Variants in CSMD1 observed in about 807,000 individuals in gnomAD.
CSMD1 encodes CUB and sushi domain-containing protein 1.
A neutral mutation model predicts 417.5 loss-of-function variants in CSMD1; 213 were observed. The ratio of observed to expected loss-of-function variants is 0.51; its 90% CI spans 0.46 to 0.57. The LOEUF (loss-of-function observed/expected upper bound fraction) is 0.57, where lower values mean the gene tolerates loss of function less well. Ranked by LOEUF, CSMD1 falls within the 20% of genes least tolerant of loss-of-function variation. The pLI is 0.00. For synonymous variants in CSMD1, 2,862 were observed against 1,736.8 expected (o/e 1.65, Z -16.11); for missense variants, 6,923 against 4,529.7 (o/e 1.53, Z -15.17).
chr8:3,948,316 A>C (rs2627518), intron 5 of CSMD1, among the ~76,000 whole-genome samples: 1 of 152,082 alleles, frequency 6.6e-6, no homozygotes, highest in Non-Finnish European at 1.5e-5. Flanking sequence ...TTTGAAGAGT[A>C]TAAGGGGCTT....
At chr8:3,574,276 T>C (rs113376143) in intron 10 of CSMD1, among the ~76,000 whole-genome samples, 4,245 of 152,358 alleles carry the variant, frequency 0.028, 196 homozygotes, top group African/African-American at 0.093. Flanking sequence ...AGTCTTGCTC[T>C]GTCGCCCAGG....
At chr8:3,998,132 G>T in intron 4 of CSMD1, 22 bp from the exon 5 acceptor site, 1 of 1,543,302 alleles carries the variant, frequency 6.5e-7, no homozygotes, top group Non-Finnish European at 8.8e-7. Context: ...AAAGCAGAAA[G>T]AAAGCATCAC....
chr8:3,202,525 A>G (rs1244407619), intron 31 of CSMD1, among the ~76,000 whole-genome samples: 1 of 152,196 alleles, frequency 6.6e-6, no homozygotes, highest in Non-Finnish European at 1.5e-5. Flanking sequence ...CAGATTGACG[A>G]TACAGAGGGC....
intron 2 of CSMD1, among the ~76,000 whole-genome samples, chr8:4,434,959 T>C (rs534985026): frequency 6.6e-6 from 1 of 152,260 alleles, no homozygotes; most frequent in South Asian, 2.1e-4. Context: ...TTATTTCCTA[T>C]AGAAAAAATG....
At position 4,925,777 on chromosome 8, in the gene CSMD1, G is replaced by A. The variant is rs184745423; in HGVS notation, c.85+68555C>T. On this transcript the variant is annotated intron_variant, in intron 1 of 69. Coordinates refer to ENST00000635120, the MANE Select transcript of CSMD1 (RefSeq NM_033225.6). ...TTGGTCAGGATGGTCTCAAACTCCT[G>A]ACCTCGTGATCCGCCCTCCTCGGCC... Among the ~76,000 whole-genome samples the A allele has an allele frequency of 3.9e-3, 589 of 152,192 alleles. 4 individuals carry two copies. The highest frequency in any genetic ancestry group is 0.013 in the African/African-American group (536 of 41,532).
At chr8:4,132,025 G>C (rs552983194) in intron 3 of CSMD1, among the ~76,000 whole-genome samples, 3 of 151,850 alleles carry the variant, frequency 2.0e-5, no homozygotes, top group African/African-American at 4.8e-5. Flanking sequence ...ATTTCTATCA[G>C]AATCCCTTCT....
At chr8:3,698,800 C>T (rs149588748) in intron 7 of CSMD1, among the ~76,000 whole-genome samples, 1 of 152,140 alleles carries the variant, frequency 6.6e-6, no homozygotes, top group South Asian at 2.1e-4. Context: ...ATCTGGTTAT[C>T]TGGAAAATTA....
At chr8:3,216,695 G>C (rs951970721) in intron 29 of CSMD1, among the ~76,000 whole-genome samples, 1 of 152,198 alleles carries the variant, frequency 6.6e-6, no homozygotes, top group Admixed American at 6.5e-5. Flanking sequence ...CTTCTAACTA[G>C]ATGACTTCAT....
intron 10 of CSMD1, among the ~76,000 whole-genome samples, chr8:3,509,036 G>C (rs539704845): frequency 6.6e-6 from 1 of 152,156 alleles, no homozygotes; most frequent in Non-Finnish European, 1.5e-5. Context: ...CTGACCTTGG[G>C]CAAGACACTG....
At chr8:4,476,457 A>T (rs187403481) in intron 2 of CSMD1, among the ~76,000 whole-genome samples, 3 of 152,334 alleles carry the variant, frequency 2.0e-5, no homozygotes, top group Admixed American at 1.3e-4. Flanking sequence ...TGGTAAAATC[A>T]TATAATTTGG....
At chr8:4,965,416 T>A (rs1489366224) in intron 1 of CSMD1, among the ~76,000 whole-genome samples, 1 of 152,212 alleles carries the variant, frequency 6.6e-6, no homozygotes, top group Non-Finnish European at 1.5e-5. Context: ...ACCTGATTTA[T>A]TTTTCAATTT....
chr8:4,651,372 G>A (rs981215169), intron 1 of CSMD1, among the ~76,000 whole-genome samples: 1 of 152,132 alleles, frequency 6.6e-6, no homozygotes, highest in Non-Finnish European at 1.5e-5. Flanking sequence ...ATCAGCTCAA[G>A]CAGTGCATTC....
intron 3 of CSMD1, among the ~76,000 whole-genome samples, chr8:4,307,830 T>C (rs915058421): frequency 6.6e-6 from 1 of 152,158 alleles, no homozygotes; most frequent in Non-Finnish European, 1.5e-5. Flanking sequence ...AATATGATGA[T>C]TTAACTGTGG....
At chr8:4,770,431 C>T (rs1414885181) in intron 1 of CSMD1, among the ~76,000 whole-genome samples, 7 of 149,756 alleles carry the variant, frequency 4.7e-5, no homozygotes, top group Non-Finnish European at 8.9e-5. Flanking sequence ...ATCAAAATCC[C>T]AATAGCATTC....
chr8:3,750,962 C>G (rs1406180502), intron 6 of CSMD1, among the ~76,000 whole-genome samples: 1 of 152,110 alleles, frequency 6.6e-6, no homozygotes, highest in Non-Finnish European at 1.5e-5. Flanking sequence ...TTCCTCACAT[C>G]CTCCTTCTGA....
At chr8:3,963,304 C>T (rs1661533899) in intron 5 of CSMD1, among the ~76,000 whole-genome samples, 1 of 152,142 alleles carries the variant, frequency 6.6e-6, no homozygotes, top group Non-Finnish European at 1.5e-5. Flanking sequence ...GTTCCAAATC[C>T]ATGGCTCTCA....
chr8:3,289,523 T>A (rs35463878), intron 25 of CSMD1, among the ~76,000 whole-genome samples: 15,262 of 147,396 alleles, frequency 0.1, 1,348 homozygotes, highest in Non-Finnish European at 0.14. Flanking sequence ...CCATTCTAAC[T>A]GGTGTGAGAT....
chr8:3,841,356 A>G (rs1046142793), intron 5 of CSMD1, among the ~76,000 whole-genome samples: 1 of 152,202 alleles, frequency 6.6e-6, no homozygotes, highest in Non-Finnish European at 1.5e-5. Flanking sequence ...TTCTTTAACC[A>G]TGCTTTCGTT....
rs188087664 is a variant in CSMD1 at position 3,053,239 on chromosome 8, C to A, written c.7475-592G>T. On this transcript the variant is annotated intron_variant, in intron 49 of 69. Transcript: ENST00000635120. ...ACTGACCACTCTCATGCAGCTTAGC[C>A]GCAGTCTGACATATTTTATCAGAGG... Among the ~76,000 whole-genome samples the A allele has an allele frequency of 3.7e-3, 558 of 152,224 alleles. 18 individuals carry two copies. Among genetic ancestry groups the A allele is most frequent in the Admixed American group, 0.033 (509 of 15,288 alleles).
Sources: allele counts gnomAD v4.1 joint callset (sites outside exome capture counted in the v4.1 genomes callset), GRCh38; gene constraint gnomAD v4.1.1; transcripts MANE v1.5; gene names NCBI Gene and HGNC (gene_info 2026-07-23, HGNC 2026-07-21).